The following POLR3E variants were observed in gnomAD, a reference collection of about 807,000 sequenced individuals.
The protein encoded by POLR3E is RNA polymerase III subunit E, also known as DNA-directed RNA polymerase III subunit RPC5.
In POLR3E, 41 loss-of-function variants were observed where a neutral mutation model predicts 96.6. That is an observed-to-expected ratio of 0.42 (90% CI 0.33 to 0.55). The LOEUF (loss-of-function observed/expected upper bound fraction) is 0.55, where lower values mean the gene tolerates loss of function less well. Among genes scored for constraint, POLR3E ranks in the 20% least tolerant of loss-of-function variants. POLR3E has a pLI of 0.06. For synonymous variants in POLR3E, 396 were observed against 383.6 expected (o/e 1.03, Z -0.38); for missense variants, 849 against 952.1 (o/e 0.89, Z 1.43).
At chr16:22,305,289 T>A in intron 3 of POLR3E, 83 bp downstream of exon 3, 1 of 989,164 alleles carries the variant, frequency 1.0e-6, no homozygotes, top group Non-Finnish European at 1.6e-6. Context: ...CAGGAAACGA[T>A]GGGAAACCTC....
chr16:22,321,524 T>TGG (rs2048471400), intron 13 of POLR3E, among the ~76,000 whole-genome samples: 2 of 152,216 alleles, frequency 1.3e-5, no homozygotes, highest in African/African-American at 2.4e-5. Context: ...CATCGCGTAT[T>TGG]ACATAGGACC....
rs767884445 is a variant in POLR3E at position 22,325,743 on chromosome 16, C to G, written c.1349-18C>G. On this transcript the variant is annotated intron_variant, in intron 17 of 20. Transcript: ENST00000299853. ...GATCCCTGTGCCCTCCTGAGCAGTGCTGCCTCCCTCCCCGCAGGGCCTGCC... is the reference window on the plus strand; with the variant it reads ...GATCCCTGTGCCCTCCTGAGCAGTGGTGCCTCCCTCCCCGCAGGGCCTGCC... 2 of 1,541,458 alleles carry G rather than the reference C, an allele frequency of 1.3e-6. No individual in the cohort carries two copies. The highest frequency in any genetic ancestry group is 2.5e-5 in the South Asian group (2 of 78,934).
chr16:22,317,251 GC>G (rs778395451), intron 12 of POLR3E, 45 bp downstream of exon 12: 11 of 1,394,754 alleles, frequency 7.9e-6, no homozygotes, highest in Non-Finnish European at 9.1e-6. Flanking sequence ...AGTCCCAGTG[GC>G]TCCTGAGGAA....
At chr16:22,332,846 TGA>T (rs2048769588) in intron 20 of POLR3E, among the ~76,000 whole-genome samples, 1 of 151,944 alleles carries the variant, frequency 6.6e-6, no homozygotes, top group East Asian at 1.9e-4. Context: ...GCAGCAACAC[TGA>T]GAGACAGAAA....
Position 22,324,343 on chromosome 16 carries a change from T to G in POLR3E, c.1069-11T>G, listed in dbSNP as rs2048532268. 1 of 1,611,862 alleles carries G rather than the reference T, an allele frequency of 6.2e-7. No homozygotes were observed. Among genetic ancestry groups the G allele is most frequent in the Non-Finnish European group, 8.5e-7 (1 of 1,179,140 alleles). ...GGCCGCCCCTGGAATGTGCTGCTTC[T>G]TCTCCCTCAGATGTGGAAGTTCACG... On this transcript the variant is annotated splice_polypyrimidine_tract_variant and intron_variant, in intron 14 of 20. Coordinates refer to ENST00000299853, the MANE Select transcript of POLR3E (RefSeq NM_018119.4).
intron 6 of POLR3E, chr16:22,309,847 C>T (rs988264594): frequency 3.2e-6 from 1 of 315,068 alleles, no homozygotes; most frequent in African/African-American, 2.1e-5. Flanking sequence ...AATTCCATTC[C>T]TAGGCAGCAT....
Position 22,313,968 on chromosome 16 carries a change from T to C in POLR3E, c.473-111T>C. The stretch of plus-strand genomic sequence containing the variant: ...AACCACTGGCTTAGGCAGCTCCCTC[T>C]GCGAGGAGAACTCCCAGCACCCCGG... On this transcript the variant is annotated intron_variant, in intron 7 of 20. Coordinates refer to ENST00000299853, the MANE Select transcript of POLR3E (RefSeq NM_018119.4). The surrounding 1 kb of genome is among the most constrained non-coding windows in gnomAD (Gnocchi z 4.1). The C allele has an allele frequency of 1.1e-6, 1 of 952,034 alleles. No individual in the cohort carries two copies. The highest frequency in any genetic ancestry group is 1.7e-6 in the Non-Finnish European group (1 of 590,122). The allele number at this position is 952,034 out of a possible 1,614,324, so 59.0% of individuals were successfully genotyped here. A position where few individuals can be genotyped will look rare whatever the true frequency, so the allele number is the denominator to read the frequency against.
intron 2 of POLR3E, among the ~76,000 whole-genome samples, chr16:22,304,363 T>G (rs2048091147): frequency 6.6e-6 from 1 of 151,668 alleles, no homozygotes; most frequent in Admixed American, 6.6e-5. Context: ...TTTAGATGCA[T>G]TTAAGCTGCA....
At position 22,305,161 on chromosome 16, in the gene POLR3E, T is replaced by C. The variant is rs752717152; in HGVS notation, c.42T>C (p.Asp14=). 8 of 1,612,682 alleles carry C rather than the reference T, an allele frequency of 5.0e-6. No homozygotes were observed. Among genetic ancestry groups the C allele is most frequent in the South Asian group, 2.2e-5 (2 of 91,060 alleles). Residue 14 remains aspartate, a synonymous_variant, in exon 3 of 21, where the codon GAT becomes GAC. Transcript: ENST00000299853. ...EEDDPVVQEI[D]VYLAKSLAEK... is the part of the protein sequence containing the mutation. ...TCGTCTTCCCTTCTTCCCAGATCGA[T>C]GTGTACTTGGCCAAGAGTCTGGCGG...
intron 19 of POLR3E, among the ~76,000 whole-genome samples, chr16:22,329,575 A>C (rs551405465): frequency 6.6e-6 from 1 of 152,296 alleles, no homozygotes; most frequent in African/African-American, 2.4e-5. Context: ...AGGGGAGCCA[A>C]CTGGCAGGCT....
chr16:22,299,857 C>A (rs1202897048), intron 1 of POLR3E, among the ~76,000 whole-genome samples: 1 of 151,698 alleles, frequency 6.6e-6, no homozygotes, highest in Non-Finnish European at 1.5e-5. Context: ...GGACTGCAGG[C>A]CATGCCAGGC....
chr16:22,315,475 G>T (rs1419626714), intron 9 of POLR3E, among the ~76,000 whole-genome samples: 1 of 152,114 alleles, frequency 6.6e-6, no homozygotes, highest in African/African-American at 2.4e-5. Flanking sequence ...GCTTGCAGTG[G>T]GGCTAGTGCC....
chr16:22,309,292 C>A, intron 5 of POLR3E, 136 bp from the exon 6 acceptor site: 1 of 766,686 alleles, frequency 1.3e-6, no homozygotes, highest in South Asian at 1.5e-5. Context: ...CTCCTGAGAC[C>A]CGCGTAGGCT....
chr16:22,301,504 C>T (rs918158837), intron 1 of POLR3E, among the ~76,000 whole-genome samples: 2 of 152,114 alleles, frequency 1.3e-5, no homozygotes, highest in Non-Finnish European at 2.9e-5. Flanking sequence ...TCACTTGAAC[C>T]TAAGAAGCAG....
In POLR3E at chr16:22,333,777, G is replaced by T; in HGVS notation, c.*77G>T. 1.0e-6 allele frequency: 1 copy of T among 967,242 alleles called. No homozygotes were observed. The highest frequency in any genetic ancestry group is 2.4e-5 in the East Asian group (1 of 41,868). The allele number at this position is 967,242 out of a possible 1,614,324, so 59.9% of individuals were successfully genotyped here. On this transcript the variant is annotated 3_prime_UTR_variant, in exon 21 of 21. Transcript: ENST00000299853. ...GGAACCAGAAGTAGGGCCTCGACTT[G>T]CTTCAGACGACACAGAGCAAGAGGA...
intron 1 of POLR3E, among the ~76,000 whole-genome samples, chr16:22,298,426 C>CGTCCT (rs1404295271): frequency 6.6e-6 from 1 of 152,174 alleles, no homozygotes; most frequent in East Asian, 1.9e-4. Context: ...CGTTTATTAG[C>CGTCCT]GTCCTGTCCT....
Position 22,322,615 on chromosome 16 carries a change from T to G in POLR3E, c.987-235T>G, listed in dbSNP as rs1302689108. On this transcript the variant is annotated intron_variant, in intron 13 of 20. Coordinates refer to ENST00000299853, the MANE Select transcript of POLR3E (RefSeq NM_018119.4). The surrounding 1 kb of genome is among the most constrained non-coding windows in gnomAD (Gnocchi z 5.2). The stretch of plus-strand genomic sequence containing the variant: ...CAGGGGTCTTAGGATGAGGCTGGTG[T>G]GCATGGCGGGTTGAGGGGTAATAAG... Among the ~76,000 whole-genome samples the G allele has an allele frequency of 6.6e-6, 1 of 151,988 alleles. No individual in the cohort carries two copies. The highest frequency in any genetic ancestry group is 1.5e-5 in the Non-Finnish European group (1 of 67,970).
Position 22,322,783 on chromosome 16 carries a change from C to G in POLR3E, c.987-67C>G. 1 of 1,133,410 alleles carries G rather than the reference C, an allele frequency of 8.8e-7. No homozygotes were observed. The highest frequency in any genetic ancestry group is 1.3e-6 in the Non-Finnish European group (1 of 756,780). The allele number at this position is 1,133,410 out of a possible 1,614,324, so 70.2% of individuals were successfully genotyped here. ...AAAGAAGCATGGACTGGGGCTTGGCCGGGAGGGGTAGCGGTAGAGGGGGCT... is the reference window on the plus strand; with the variant it reads ...AAAGAAGCATGGACTGGGGCTTGGCGGGGAGGGGTAGCGGTAGAGGGGGCT... On this transcript the variant is annotated intron_variant, in intron 13 of 20. Transcript: ENST00000299853. The surrounding 1 kb of genome is among the most constrained non-coding windows in gnomAD (Gnocchi z 5.2).
intron 19 of POLR3E, 61 bp downstream of exon 19, chr16:22,328,648 G>A: frequency 7.3e-7 from 1 of 1,378,362 alleles, no homozygotes; most frequent in Non-Finnish European, 1.0e-6. Flanking sequence ...CAGCGTTGGA[G>A]GCCTTGGGGG....
Sources: allele counts gnomAD v4.1 joint callset (sites outside exome capture counted in the v4.1 genomes callset), GRCh38; gene constraint gnomAD v4.1.1; non-coding constraint Gnocchi (gnomAD v3.1); transcripts MANE v1.5; gene names NCBI Gene and HGNC (gene_info 2026-07-23, HGNC 2026-07-21).